PTPRD: variants seen among roughly 807,000 people sequenced by gnomAD.
PTPRD encodes the protein protein tyrosine phosphatase receptor type D.
In PTPRD, 34 loss-of-function variants were observed where a neutral mutation model predicts 214.5. The ratio of observed to expected loss-of-function variants is 0.16; its 90% confidence interval spans 0.12 to 0.21. The LOEUF (loss-of-function observed/expected upper bound fraction) is 0.21. Among genes scored for constraint, PTPRD ranks in the 10% least tolerant of loss-of-function variants. The pLI, the probability that PTPRD is intolerant of heterozygous loss-of-function variation, is 1.00. For missense variants in PTPRD, 2,545 were observed against 2,398.7 expected, an observed-to-expected ratio of 1.06 and a Z score of -1.27; for synonymous variants, 1,128 against 845.7, an observed-to-expected ratio of 1.33 and a Z score of -5.79.
Position 9,265,862 on chromosome 9 carries a change from G to A in PTPRD, c.-202-82499C>T, listed in dbSNP as rs558213559. 2.6e-4 allele frequency among the ~76,000 whole-genome samples: 40 copies of A among 151,464 alleles called. 1 individual carries two copies. In the South Asian group the frequency reaches 8.3e-3, roughly 31 times the overall value. On this transcript the variant is annotated intron_variant, in intron 9 of 45. Transcript: ENST00000381196. ...ACAACCAGGAAATCATAAGTAAAAT[G>A]GAAACAGTAAGTTCTTACCCATCAA...
intron 2 of PTPRD, among the ~76,000 whole-genome samples, chr9:10,395,491 A>C (rs191738823): frequency 2.0e-5 from 3 of 152,022 alleles, no homozygotes; most frequent in Non-Finnish European, 4.4e-5. Context: ...ATCATTACTG[A>C]AAAAAACTTC....
At chr9:8,994,668 G>T (rs576914217) in intron 11 of PTPRD, among the ~76,000 whole-genome samples, 2 of 151,938 alleles carry the variant, frequency 1.3e-5, no homozygotes, top group African/African-American at 2.4e-5. Flanking sequence ...TGGAGGGGGG[G>T]TGTTGTTTGT....
At chr9:10,178,252 TAC>T (rs2099260983) in intron 3 of PTPRD, among the ~76,000 whole-genome samples, 1 of 151,938 alleles carries the variant, frequency 6.6e-6, no homozygotes, top group African/African-American at 2.4e-5. Context: ...TAAGTTTCCA[TAC>T]TCACTTAGAG....
intron 10 of PTPRD, among the ~76,000 whole-genome samples, chr9:9,026,815 T>A (rs178938): frequency 0.41 from 62,867 of 151,506 alleles, 13,345 homozygotes; most frequent in Middle Eastern, 0.52. Context: ...GCTTTCTCAT[T>A]CTCTACCGAC....
chr9:9,400,468 T>C (rs1160431669), intron 8 of PTPRD, among the ~76,000 whole-genome samples: 1 of 151,898 alleles, frequency 6.6e-6, no homozygotes, highest in African/African-American at 2.4e-5. Context: ...ACAACATATT[T>C]TCAATGACGT....
chr9:8,324,769 C>A (rs1488430621), intron 44 of PTPRD, among the ~76,000 whole-genome samples: 1 of 152,094 alleles, frequency 6.6e-6, no homozygotes, highest in East Asian at 1.9e-4. Context: ...TCTGTTGTTT[C>A]CTGACTTTTT....
At chr9:9,903,319 G>A (rs1199962285) in intron 5 of PTPRD, among the ~76,000 whole-genome samples, 1 of 151,998 alleles carries the variant, frequency 6.6e-6, no homozygotes, top group African/African-American at 2.4e-5. Context: ...TATTACTTTA[G>A]ATGCTTAAAG....
At chr9:10,219,541 C>T (rs1049687677) in intron 3 of PTPRD, among the ~76,000 whole-genome samples, 2 of 151,726 alleles carry the variant, frequency 1.3e-5, no homozygotes, top group Non-Finnish European at 2.9e-5. Context: ...AGAGTTAACT[C>T]CTTCAGGGTA....
rs184258136 is a variant in PTPRD, at chr9:8,635,000, T to G, written c.211-1542A>C. On this transcript the variant is annotated intron_variant, in intron 13 of 45. Coordinates refer to ENST00000381196, the MANE Select transcript of PTPRD (RefSeq NM_002839.4). ...GGGAGCAAAAACAGTCAACATGTAC[T>G]GCTCTCAGGGACCATACAGACTAGT... Among the ~76,000 whole-genome samples, 182 of 150,364 alleles carry G rather than the reference T, an allele frequency of 1.2e-3. 2 individuals are homozygous for G. Among genetic ancestry groups the G allele is most frequent in the African/African-American group, 4.3e-3 (176 of 41,176 alleles).
At chr9:9,821,134 T>C (rs2050574522) in intron 5 of PTPRD, among the ~76,000 whole-genome samples, 1 of 152,118 alleles carries the variant, frequency 6.6e-6, no homozygotes, top group Non-Finnish European at 1.5e-5. Context: ...ATTTGTGTCA[T>C]CTATGTTTTC....
intron 9 of PTPRD, among the ~76,000 whole-genome samples, chr9:9,331,960 G>C (rs1430281247): frequency 6.6e-6 from 1 of 152,008 alleles, no homozygotes; most frequent in Non-Finnish European, 1.5e-5. Context: ...GTTGCTTGAA[G>C]AACATCCCCC....
chr9:8,859,414 C>T (rs2098046902), intron 11 of PTPRD, among the ~76,000 whole-genome samples: 1 of 152,136 alleles, frequency 6.6e-6, no homozygotes, highest in Non-Finnish European at 1.5e-5. Context: ...TGGAAAAAGT[C>T]GGCAGCTGGA....
intron 10 of PTPRD, among the ~76,000 whole-genome samples, chr9:9,130,570 GT>G (rs1427348426): frequency 6.6e-6 from 1 of 151,556 alleles, no homozygotes; most frequent in Non-Finnish European, 1.5e-5. Flanking sequence ...TGCATAAAAA[GT>G]GTTTATATAT....
At chr9:8,460,334 G>A (rs2096362220) in intron 33 of PTPRD, 77 bp downstream of exon 33, 2 of 1,547,262 alleles carry the variant, frequency 1.3e-6, no homozygotes, top group South Asian at 2.3e-5. Flanking sequence ...AACCACCTAA[G>A]GACAGCAGAA....
chr9:9,760,731 G>C (rs905725226), intron 6 of PTPRD, among the ~76,000 whole-genome samples: 7 of 151,680 alleles, frequency 4.6e-5, no homozygotes, highest in East Asian at 1.9e-4. Flanking sequence ...TGAGGAAATA[G>C]GCAAACTACA....
intron 3 of PTPRD, among the ~76,000 whole-genome samples, chr9:10,036,526 ACACACAC>A (rs1236498368): frequency 8.4e-5 from 12 of 143,380 alleles, no homozygotes; most frequent in Non-Finnish European, 7.5e-5. Context: ...ACACACACAC[ACACACAC>A]AATTTTGCCA....
intron 10 of PTPRD, among the ~76,000 whole-genome samples, chr9:9,100,347 G>C (rs970829752): frequency 1.3e-5 from 2 of 152,134 alleles, no homozygotes; most frequent in Admixed American, 6.5e-5. Flanking sequence ...AAAAGAGCAT[G>C]ATGTCCTAAG....
intron 3 of PTPRD, among the ~76,000 whole-genome samples, chr9:10,085,479 G>C (rs1304650241): frequency 6.6e-6 from 1 of 151,852 alleles, no homozygotes; most frequent in African/African-American, 2.4e-5. Context: ...CCTTGTTTCT[G>C]TTGGTCATTT....
chr9:10,358,929 T>C (rs1211640815), intron 2 of PTPRD, among the ~76,000 whole-genome samples: 4 of 152,038 alleles, frequency 2.6e-5, no homozygotes, highest in Non-Finnish European at 5.9e-5. Flanking sequence ...TACTGTAGTA[T>C]GCAAAGGTCA....
Sources: gnomAD v4.1 joint callset for allele counts (sites outside exome capture counted in the v4.1 genomes callset) on GRCh38, gnomAD v4.1.1 for gene constraint, MANE v1.5 for transcripts, NCBI Gene and HGNC (gene_info 2026-07-23, HGNC 2026-07-21) for gene names.